The following WWP2 variants were observed in gnomAD, a reference collection of about 807,000 sequenced individuals.
WWP2 encodes the protein WW domain containing E3 ubiquitin protein ligase 2.
Under a neutral mutation model 121.0 loss-of-function variants are expected in WWP2, and 57 were observed. The ratio of observed to expected loss-of-function variants is 0.47; its 90% CI spans 0.38 to 0.59. The LOEUF (loss-of-function observed/expected upper bound fraction) is 0.59, where lower values mean the gene tolerates loss of function less well. Ranked by LOEUF, WWP2 falls within the 20% of genes least tolerant of loss-of-function variation. WWP2 has a pLI of 0.00. For synonymous variants in WWP2, 449 were observed against 441.3 expected (o/e 1.02, Z -0.22); for missense variants, 962 against 1,158.9 (o/e 0.83, Z 2.47).
chr16:69,782,706 C>G (rs1042700977), intron 1 of WWP2, among the ~76,000 whole-genome samples: 2 of 152,266 alleles, frequency 1.3e-5, no homozygotes, highest in South Asian at 2.1e-4. Context: ...TTTTTGGAAA[C>G]TAGATATATC....
intron 4 of WWP2, among the ~76,000 whole-genome samples, chr16:69,808,512 C>A (rs943401012): frequency 6.6e-6 from 1 of 152,198 alleles, no homozygotes; most frequent in Non-Finnish European, 1.5e-5. Flanking sequence ...AGCAGTTCTC[C>A]TGCTTCAGCC....
intron 1 of WWP2, among the ~76,000 whole-genome samples, chr16:69,770,459 A>G (rs1285958136): frequency 1.3e-5 from 2 of 152,246 alleles, no homozygotes; most frequent in African/African-American, 4.8e-5. Context: ...ACCCTCAGAG[A>G]GGGCTTGGAG....
intron 2 of WWP2, among the ~76,000 whole-genome samples, chr16:69,794,806 C>T (rs1324818403): frequency 1.3e-5 from 2 of 152,152 alleles, no homozygotes; most frequent in Non-Finnish European, 2.9e-5. Flanking sequence ...AAACAAAAAT[C>T]ATTGCCATGG....
intron 1 of WWP2, among the ~76,000 whole-genome samples, chr16:69,769,867 TC>T (rs1481327401): frequency 7.5e-6 from 1 of 133,244 alleles, no homozygotes; most frequent in African/African-American, 2.9e-5. Context: ...TCCCAAGTGA[TC>T]AGTGTCTTTT....
intron 8 of WWP2, among the ~76,000 whole-genome samples, chr16:69,891,367 A>T (rs1480331263): frequency 6.6e-6 from 1 of 152,186 alleles, no homozygotes; most frequent in Admixed American, 6.5e-5. Context: ...GTGTTGTGGC[A>T]AAGGGATTGG....
At chr16:69,938,699 C>A (rs151324200) in intron 21 of WWP2, among the ~76,000 whole-genome samples, 6 of 152,276 alleles carry the variant, frequency 3.9e-5, no homozygotes, top group Non-Finnish European at 5.9e-5. Flanking sequence ...AACATTTCAT[C>A]TCCCCAAAAA....
chr16:69,859,041 T>C (rs1378707354), intron 6 of WWP2, among the ~76,000 whole-genome samples: 4 of 152,236 alleles, frequency 2.6e-5, no homozygotes, highest in African/African-American at 9.6e-5. Flanking sequence ...ACTGTGGAAA[T>C]TGAATTGTCA....
At position 69,916,961 on chromosome 16, in the gene WWP2, C is replaced by G. The variant is rs553101748; in HGVS notation, c.1005-748C>G. Among the ~76,000 whole-genome samples the G allele has an allele frequency of 9.7e-4, 148 of 152,218 alleles. No individual in the cohort carries two copies. The Middle Eastern group carries it at 0.01, about 10-fold the overall frequency. On this transcript the variant is annotated intron_variant, in intron 9 of 23. Transcript: ENST00000359154. ...GGAGGATCGTTTGAGTCCAGGAGTT[C>G]GAGACCAGTCTGGGCAACATGGCGA... is the stretch of plus-strand genomic sequence containing the variant.
In WWP2 at chr16:69,925,619, G is replaced by T; in HGVS notation, c.1234+135G>T. The T allele has an allele frequency of 8.2e-7, 1 of 1,215,440 alleles. No homozygotes were observed. The highest frequency in any genetic ancestry group is 1.1e-6 in the Non-Finnish European group (1 of 887,876). 75.3% of individuals were successfully genotyped at this position (1,215,440 alleles called of 1,614,324 possible). ...CTCCCCTCTCCAGCACACTCTCTGG[G>T]CATGCCCCACCAGAGCAATTACAGG... is the stretch of plus-strand genomic sequence containing the variant. On this transcript the variant is annotated intron_variant, in intron 11 of 23. Coordinates refer to ENST00000359154, the MANE Select transcript of WWP2 (RefSeq NM_001270454.2). This position sits in a 1 kb window ranked among gnomAD's most constrained non-coding sequence, Gnocchi z 4.0.
At chr16:69,927,917 C>T (rs2058662837) in intron 11 of WWP2, among the ~76,000 whole-genome samples, 1 of 152,250 alleles carries the variant, frequency 6.6e-6, no homozygotes, top group Admixed American at 6.5e-5. Context: ...CTGCCTCAGC[C>T]TCCCAAAGTG....
chr16:69,771,882 C>G (rs1216994286), intron 1 of WWP2, among the ~76,000 whole-genome samples: 3 of 151,122 alleles, frequency 2.0e-5, no homozygotes, highest in African/African-American at 7.3e-5. Context: ...GGTGCCTTAT[C>G]CCTATTGTCA....
intron 2 of WWP2, among the ~76,000 whole-genome samples, chr16:69,796,414 C>T (rs530322671): frequency 7.2e-5 from 11 of 152,150 alleles, no homozygotes; most frequent in Non-Finnish European, 1.5e-4. Context: ...TTCGATATCC[C>T]GCAGCTAGGC....
At chr16:69,802,516 C>G (rs1358469159) in intron 4 of WWP2, among the ~76,000 whole-genome samples, 1 of 151,860 alleles carries the variant, frequency 6.6e-6, no homozygotes, top group Non-Finnish European at 1.5e-5. Flanking sequence ...AGTATTTGTC[C>G]TTTTATGACT....
Position 69,937,704 on chromosome 16 carries a change from G to A in WWP2, c.2343+52G>A, listed in dbSNP as rs2058820999. On this transcript the variant is annotated intron_variant, in intron 21 of 23. Transcript: ENST00000359154. The surrounding 1 kb of genome is among the most constrained non-coding windows in gnomAD (Gnocchi z 6.6). Reference sequence around the variant, plus strand: ...GGGACATTTGGGCCATCAACCAAAGGAAACGGGTCCTGAGGAGGCCTCACG... The same window carrying A: ...GGGACATTTGGGCCATCAACCAAAGAAAACGGGTCCTGAGGAGGCCTCACG... 2 of 1,590,658 alleles carry A rather than the reference G, an allele frequency of 1.3e-6. No homozygotes were observed. The highest frequency in any genetic ancestry group is 1.7e-6 in the Non-Finnish European group (2 of 1,161,468).
rs1487311157 is a variant in WWP2 at position 69,931,759 on chromosome 16, G to A, written c.1594-43G>A. ...TGTCCCTCCCGCCCCTGCCTGCTGTGGAAGGGAGAGTGGCAGGCTGGCCCG... is the reference window on the plus strand; with the variant it reads ...TGTCCCTCCCGCCCCTGCCTGCTGTAGAAGGGAGAGTGGCAGGCTGGCCCG... On this transcript the variant is annotated intron_variant, in intron 15 of 23. Transcript: ENST00000359154. The A allele has an allele frequency of 1.9e-6, 3 of 1,605,924 alleles. No individual in the cohort carries two copies. In the South Asian group the frequency reaches 3.3e-5, roughly 18 times the overall value.
rs386384998 is a variant in WWP2 at position 69,795,649 on chromosome 16, GTTTTTTTTTTT to G, written c.71-3017_71-3007del. ...TAGATTGGAAACTTAAAAATAGGAG[GTTTTTTTTTTT>G]TTTTTTTTTTTTTTTGTGAGAGTCT... On this transcript the variant is annotated intron_variant, in intron 2 of 23. Transcript: ENST00000359154. 3.4e-4 allele frequency among the ~76,000 whole-genome samples: 23 copies of G among 66,956 alleles called. 1 individual carries two copies. The highest frequency in any genetic ancestry group is 2.6e-4 in the Non-Finnish European group (10 of 38,716). The allele number at this position is 66,956 out of a possible 152,430, so 43.9% of individuals were successfully genotyped here.
intron 4 of WWP2, among the ~76,000 whole-genome samples, chr16:69,821,373 C>G (rs1025171858): frequency 6.6e-6 from 1 of 152,182 alleles, no homozygotes; most frequent in Non-Finnish European, 1.5e-5. Context: ...AAAGTAAACA[C>G]GGAGGCCCTG....
In WWP2 at chr16:69,893,442, A is replaced by C. The variant is rs945079261; in HGVS notation, c.914+5193A>C. Among the ~76,000 whole-genome samples, 3 of 152,158 alleles carry C rather than the reference A, an allele frequency of 2.0e-5. No homozygotes were observed. In the South Asian group the frequency reaches 6.2e-4, roughly 31 times the overall value. ...GCCTCAAAGAAAGAACAGCTATGAC[A>C]GCAATATTGCATTTTCTTCCCAAGG... On this transcript the variant is annotated intron_variant, in intron 8 of 23. Transcript: ENST00000359154.
intron 4 of WWP2, among the ~76,000 whole-genome samples, chr16:69,801,176 A>C (rs1597690390): frequency 7.0e-6 from 1 of 142,970 alleles, no homozygotes; most frequent in East Asian, 2.1e-4. Flanking sequence ...GTGACAGAGC[A>C]AGTCTTAAAA....
Sources: allele counts gnomAD v4.1 joint callset (sites outside exome capture counted in the v4.1 genomes callset), GRCh38; gene constraint gnomAD v4.1.1; non-coding constraint Gnocchi (gnomAD v3.1); transcripts MANE v1.5; gene names NCBI Gene and HGNC (gene_info 2026-07-23, HGNC 2026-07-21).